The following SATB1 variants were observed in gnomAD, a reference collection of about 807,000 sequenced individuals.
SATB1 encodes the protein SATB homeobox 1.
Under a neutral mutation model 86.9 loss-of-function variants are expected in SATB1, and 11 were observed. The ratio of observed to expected loss-of-function variants is 0.13; its 90% confidence interval spans 0.08 to 0.21. SATB1 has a LOEUF of 0.21. Ranked by LOEUF, SATB1 falls within the 10% of genes least tolerant of loss-of-function variation. SATB1 has a pLI of 1.00. For synonymous variants in SATB1, 357 were observed against 357.2 expected, an observed-to-expected ratio of 1.00 and a Z score of 0.01; for missense variants, 551 against 937.6, an observed-to-expected ratio of 0.59 and a Z score of 5.39.
chr3:18,428,605 GT>G (rs1185158766), upstream of SATB1, among the ~76,000 whole-genome samples: 7 of 152,172 alleles, frequency 4.6e-5, no homozygotes, highest in Admixed American at 2.6e-4. Context: ...ATTGAAGAAA[GT>G]TAAACTTTAT....
At chr3:18,363,434 G>A (rs186080624) in intron 9 of SATB1, among the ~76,000 whole-genome samples, 18 of 152,216 alleles carry the variant, frequency 1.2e-4, no homozygotes, top group South Asian at 6.2e-4. Context: ...GACAATGGCC[G>A]GGTTATAATT....
chr3:18,353,705 C>T (rs1694490404), intron 9 of SATB1, among the ~76,000 whole-genome samples: 1 of 152,030 alleles, frequency 6.6e-6, no homozygotes, highest in Admixed American at 6.6e-5. Flanking sequence ...AGAAGCATGG[C>T]CTGTTCTCCC....
At position 18,394,486 on chromosome 3, in the gene SATB1, T is replaced by A; in HGVS notation, c.1182A>T (p.Ala394=). 6.2e-7 allele frequency: 1 copy of A among 1,614,184 alleles called. No individual in the cohort carries two copies. Among genetic ancestry groups the A allele is most frequent in the Non-Finnish European group, 8.5e-7 (1 of 1,180,028 alleles). ...CCTGAGTTCTGTTAAAAGCCACACG[T>A]GCAAATACCGCCTGGGAGATTCCTG... ...KRAGISQAVF[A]RVAFNRTQGL... Residue 394 remains alanine (A), a synonymous_variant, in exon 7 of 11, where the codon GCA becomes GCT. Coordinates refer to ENST00000338745, the MANE Select transcript of SATB1 (RefSeq NM_002971.6). This position sits in a 1 kb window ranked among gnomAD's most constrained non-coding sequence, Gnocchi z 5.9.
intron 5 of SATB1, among the ~76,000 whole-genome samples, chr3:18,408,263 T>C (rs899845720): frequency 3.3e-5 from 5 of 151,904 alleles, no homozygotes; most frequent in African/African-American, 1.2e-4. Context: ...TTCTCTGCCA[T>C]GAGGAATTCT....
At chr3:18,353,293 T>C (rs1258866538) in intron 9 of SATB1, among the ~76,000 whole-genome samples, 1 of 152,138 alleles carries the variant, frequency 6.6e-6, no homozygotes, top group African/African-American at 2.4e-5. Flanking sequence ...TTCAATTTAC[T>C]CTCTAGAGAC....
intron 5 of SATB1, among the ~76,000 whole-genome samples, chr3:18,398,024 C>G (rs918940667): frequency 6.6e-6 from 1 of 152,168 alleles, no homozygotes; most frequent in Admixed American, 6.6e-5. Context: ...TTTTGAATTT[C>G]AAACCGATCA....
intron 2 of SATB1, chr3:18,417,637 C>A: frequency 1.4e-6 from 1 of 697,436 alleles, no homozygotes; most frequent in South Asian, 1.5e-5. Context: ...TAGATATTAG[C>A]TCTAACTGGT....
intron 9 of SATB1, among the ~76,000 whole-genome samples, chr3:18,364,354 T>C (rs1575093786): frequency 6.6e-6 from 1 of 152,160 alleles, no homozygotes; most frequent in East Asian, 1.9e-4. Flanking sequence ...ACACACTAAA[T>C]AACAAGGTTT....
intron 8 of SATB1, among the ~76,000 whole-genome samples, chr3:18,379,770 C>G (rs1250481376): frequency 6.6e-6 from 1 of 152,128 alleles, no homozygotes. Flanking sequence ...ACCACCTTTC[C>G]AAGCATGGAA....
chr3:18,397,573 T>G (rs1470463751), intron 5 of SATB1, among the ~76,000 whole-genome samples: 1 of 152,214 alleles, frequency 6.6e-6, no homozygotes, highest in Non-Finnish European at 1.5e-5. Context: ...CATCTATTAC[T>G]AGGCTGTCAA....
intron 8 of SATB1, among the ~76,000 whole-genome samples, chr3:18,385,860 C>T (rs942355465): frequency 2.0e-5 from 3 of 151,954 alleles, no homozygotes; most frequent in East Asian, 3.9e-4. Flanking sequence ...AAAACATGCC[C>T]GTATCTTGGA....
rs1344086713 is a variant in SATB1, at chr3:18,346,715, ACATT to A, written c.*2451_*2454del. 1 of 151,986 alleles carries A rather than the reference ACATT, an allele frequency of 6.6e-6. No individual in the cohort carries two copies. Among genetic ancestry groups the A allele is most frequent in the Non-Finnish European group, 1.5e-5 (1 of 68,002 alleles). The allele number at this position is 151,986 out of a possible 1,614,324, so 9.4% of individuals were successfully genotyped here. A position where few individuals can be genotyped will look rare whatever the true frequency, so the allele number is the denominator to read the frequency against. ...CATTGTTATGTTGATTACCAAACAA[ACATT>A]CAAACATTCATCATTTCACTGAAAA... On this transcript the variant is annotated 3_prime_UTR_variant, in exon 11 of 11. Transcript: ENST00000338745.
intron 5 of SATB1, among the ~76,000 whole-genome samples, chr3:18,412,837 T>G (rs932269686): frequency 6.6e-6 from 1 of 152,028 alleles, no homozygotes; most frequent in Non-Finnish European, 1.5e-5. Context: ...AAACAGTTTA[T>G]GTTGAAAAAA....
chr3:18,428,942 C>T (rs1328897725), upstream of SATB1, among the ~76,000 whole-genome samples: 1 of 152,208 alleles, frequency 6.6e-6, no homozygotes, highest in Non-Finnish European at 1.5e-5. Context: ...AGCAACTCCG[C>T]CAGTGACTGT....
Position 18,423,833 on chromosome 3 carries a change from C to G in SATB1, c.-231G>C, listed in dbSNP as rs1698517591. 1 of 149,902 alleles carries G rather than the reference C, an allele frequency of 6.7e-6. No homozygotes were observed. Among genetic ancestry groups the G allele is most frequent in the Non-Finnish European group, 1.5e-5 (1 of 67,664 alleles). 9.3% of individuals were successfully genotyped at this position (149,902 alleles called of 1,614,324 possible). ...TTTCCCCTACCCCCGCCCCCCTAAG[C>G]GGGGGAAGGGCAGAAATAAACGTCT... On this transcript the variant is annotated 5_prime_UTR_variant, in exon 1 of 11. Coordinates refer to ENST00000338745, the MANE Select transcript of SATB1 (RefSeq NM_002971.6).
chr3:18,351,815 C>T, intron 10 of SATB1, 177 bp downstream of exon 10: 1 of 626,000 alleles, frequency 1.6e-6, no homozygotes, highest in Non-Finnish European at 2.8e-6. Flanking sequence ...GATACATACG[C>T]TGGAAAAAGT....
chr3:18,349,249 T>C lies in SATB1; in HGVS notation c.2213A>G (p.Asn738Ser). 1.9e-6 allele frequency: 3 copies of C among 1,614,190 alleles called. No homozygotes were observed. The South Asian group carries it at 3.3e-5, about 18-fold the overall frequency. ...LEESVQDKNT[N>S]TLFSVKLEEE... The stretch of plus-strand genomic sequence containing the variant: ...TTCTAGTTTCACTGAAAAAAGGGTG[T>C]TAGTATTTTTATCTTGGACACTCTC... The change falls in exon 11 of 11, where the codon AAC becomes AGC. Residue 738 changes from asparagine (N) to serine (S), a missense_variant. Asn to Ser is a conservative substitution (Grantham distance 46). This residue lies in a region of SATB1 where 41 missense variants were observed against 38.9 expected (regional missense o/e 1.06). Transcript: ENST00000338745. This position sits in a 1 kb window ranked among gnomAD's most constrained non-coding sequence, Gnocchi z 5.5.
intron 7 of SATB1, among the ~76,000 whole-genome samples, chr3:18,387,810 G>A (rs181760643): frequency 1.6e-4 from 24 of 152,218 alleles, no homozygotes; most frequent in Non-Finnish European, 2.8e-4. Flanking sequence ...GGAAGGTAAC[G>A]TGTCATGTCA....
In SATB1 at chr3:18,351,410, T is replaced by C. The variant is rs778478842; in HGVS notation, c.1779+582A>G. 1.5e-5 allele frequency: 23 copies of C among 1,543,258 alleles called. 1 individual carries two copies. Among genetic ancestry groups the C allele is most frequent in the South Asian group, 1.2e-4 (10 of 84,426 alleles). ...CCCAAGGGTGGTGGGAGAGGGGCTC[T>C]AAAGGAAAGACAAACAGAGATGACT... On this transcript the variant is annotated intron_variant, in intron 10 of 10. Coordinates refer to ENST00000338745, the MANE Select transcript of SATB1 (RefSeq NM_002971.6).
Sources: allele counts gnomAD v4.1 joint callset (sites outside exome capture counted in the v4.1 genomes callset), GRCh38; gene constraint gnomAD v4.1.1; regional missense constraint gnomAD v4.1.1; non-coding constraint Gnocchi (gnomAD v3.1); transcripts MANE v1.5; gene names NCBI Gene and HGNC (gene_info 2026-07-23, HGNC 2026-07-21).